The following THSD7B variants were observed in gnomAD, a reference collection of about 807,000 sequenced individuals.
THSD7B encodes thrombospondin type 1 domain containing 7B.
Under a neutral mutation model 213.6 loss-of-function variants are expected in THSD7B, and 138 were observed. The observed-to-expected ratio is 0.65, with a 90% CI of 0.56 to 0.74. THSD7B has a LOEUF of 0.74. Among genes scored for constraint, THSD7B ranks in the 30% least tolerant of loss-of-function variants. The pLI is 0.00. For synonymous variants in THSD7B, 742 were observed against 687.0 expected, an observed-to-expected ratio of 1.08 and a Z score of -1.25; for missense variants, 1,931 against 1,991.5, an observed-to-expected ratio of 0.97 and a Z score of 0.58.
At chr2:137,272,449 CT>C (rs766106690) in intron 10 of THSD7B, 83 bp from the exon 11 acceptor site, 39 of 1,384,230 alleles carry the variant, frequency 2.8e-5, no homozygotes, top group Non-Finnish European at 3.7e-5. Context: ...TTATCTCTCT[CT>C]CTTTTTTTTC....
At chr2:137,594,850 A>G (rs1056936607) in intron 17 of THSD7B, among the ~76,000 whole-genome samples, 1 of 151,970 alleles carries the variant, frequency 6.6e-6, no homozygotes, top group Non-Finnish European at 1.5e-5. Context: ...TGAATATGGC[A>G]TATCTCTCCA....
chr2:136,875,013 G>C (rs1241644985), intron 1 of THSD7B, among the ~76,000 whole-genome samples: 1 of 152,014 alleles, frequency 6.6e-6, no homozygotes, highest in Non-Finnish European at 1.5e-5. Flanking sequence ...AGCTTCCCAA[G>C]TTACAGATAC....
chr2:136,780,678 T>C (rs1681725811), intron 1 of THSD7B, among the ~76,000 whole-genome samples: 1 of 152,264 alleles, frequency 6.6e-6, no homozygotes, highest in Non-Finnish European at 1.5e-5. Flanking sequence ...ACAAAGTCTT[T>C]CATATATAGG....
intron 16 of THSD7B, among the ~76,000 whole-genome samples, chr2:137,567,334 A>G (rs1339676361): frequency 2.0e-5 from 3 of 151,824 alleles, no homozygotes; most frequent in African/African-American, 7.3e-5. Context: ...ACACCCAGCT[A>G]ATTTTTGTAT....
At chr2:137,388,660 C>T (rs191196003) in intron 12 of THSD7B, among the ~76,000 whole-genome samples, 37 of 152,128 alleles carry the variant, frequency 2.4e-4, no homozygotes, top group Admixed American at 2.0e-3. Context: ...TCTCTTCATC[C>T]TCCTCACCCC....
chr2:137,605,253 C>G (rs1183520563), intron 17 of THSD7B, among the ~76,000 whole-genome samples: 5 of 152,176 alleles, frequency 3.3e-5, no homozygotes, highest in Non-Finnish European at 7.3e-5. Flanking sequence ...CCAAACTCAT[C>G]ACATTCTCCT....
intron 1 of THSD7B, among the ~76,000 whole-genome samples, chr2:136,839,819 A>G (rs1682897234): frequency 6.6e-6 from 1 of 152,136 alleles, no homozygotes; most frequent in Non-Finnish European, 1.5e-5. Context: ...GATTTTTTAA[A>G]TCAAAGAAAT....
At chr2:137,586,573 T>G (rs891445722) in intron 17 of THSD7B, among the ~76,000 whole-genome samples, 1 of 152,198 alleles carries the variant, frequency 6.6e-6, no homozygotes, top group Non-Finnish European at 1.5e-5. Flanking sequence ...TGTAAAGGAT[T>G]TTATTTTTCC....
intron 4 of THSD7B, among the ~76,000 whole-genome samples, chr2:137,110,268 T>C (rs1384530041): frequency 6.6e-6 from 1 of 152,176 alleles, no homozygotes; most frequent in Non-Finnish European, 1.5e-5. Flanking sequence ...TGCTTAGCTG[T>C]GGCTCAACAA....
chr2:137,368,798 C>A (rs1685478615), intron 12 of THSD7B, among the ~76,000 whole-genome samples: 1 of 152,048 alleles, frequency 6.6e-6, no homozygotes, highest in Non-Finnish European at 1.5e-5. Flanking sequence ...CAGTTGCCCC[C>A]TACTCATAAA....
At chr2:137,347,294 T>C (rs1283672135) in intron 12 of THSD7B, among the ~76,000 whole-genome samples, 1 of 151,772 alleles carries the variant, frequency 6.6e-6, no homozygotes, top group Non-Finnish European at 1.5e-5. Context: ...TATGCTACCA[T>C]GTGGTTTAAG....
At chr2:137,115,497 T>C (rs1024809840) in intron 5 of THSD7B, among the ~76,000 whole-genome samples, 1 of 152,190 alleles carries the variant, frequency 6.6e-6, no homozygotes, top group African/African-American at 2.4e-5. Context: ...ATAATATGTC[T>C]CCCAAGAGTC....
intron 12 of THSD7B, among the ~76,000 whole-genome samples, chr2:137,306,928 G>T (rs1294946560): frequency 1.3e-5 from 2 of 152,082 alleles, no homozygotes; most frequent in East Asian, 1.9e-4. Flanking sequence ...TTTCAGGCAA[G>T]AACCTGTTAA....
chr2:137,395,359 G>A (rs944636322), intron 12 of THSD7B, among the ~76,000 whole-genome samples: 4 of 150,526 alleles, frequency 2.7e-5, no homozygotes, highest in African/African-American at 9.8e-5. Flanking sequence ...TTTATTGAGA[G>A]TTTTTAGCAT....
At chr2:136,804,018 C>A (rs151020868) in intron 1 of THSD7B, among the ~76,000 whole-genome samples, 36 of 152,312 alleles carry the variant, frequency 2.4e-4, no homozygotes, top group Non-Finnish European at 3.5e-4. Context: ...CTTGGAAACA[C>A]CATCACAGAT....
intron 1 of THSD7B, among the ~76,000 whole-genome samples, chr2:136,879,074 A>C (rs947413390): frequency 6.6e-6 from 1 of 152,158 alleles, no homozygotes; most frequent in Non-Finnish European, 1.5e-5. Context: ...TCTTTAATCC[A>C]TCTTGAATTG....
intron 7 of THSD7B, among the ~76,000 whole-genome samples, chr2:137,218,238 C>T (rs1681291402): frequency 1.3e-5 from 2 of 151,954 alleles, no homozygotes; most frequent in Admixed American, 6.6e-5. Context: ...TGTCTGTATT[C>T]TTCATCTTTT....
At chr2:137,533,965 A>C (rs961081671) in intron 15 of THSD7B, among the ~76,000 whole-genome samples, 11 of 151,620 alleles carry the variant, frequency 7.3e-5, no homozygotes, top group Non-Finnish European at 1.6e-4. Context: ...TATCCTTTAA[A>C]AAAGTATTTA....
intron 3 of THSD7B, among the ~76,000 whole-genome samples, chr2:137,068,883 C>A (rs1310123790): frequency 6.6e-6 from 1 of 152,004 alleles, no homozygotes; most frequent in African/African-American, 2.4e-5. Context: ...AATGTAAACT[C>A]CTGTTTGTGA....
Sources: gnomAD v4.1 joint callset for allele counts (sites outside exome capture counted in the v4.1 genomes callset) on GRCh38, gnomAD v4.1.1 for gene constraint, MANE v1.5 for transcripts, NCBI Gene and HGNC (gene_info 2026-07-23, HGNC 2026-07-21) for gene names.